The following PYGB variants were observed in gnomAD, a reference collection of about 807,000 sequenced individuals.
PYGB encodes the protein glycogen phosphorylase B, also known as glycogen phosphorylase, brain form.
A neutral mutation model predicts 94.3 loss-of-function variants in PYGB; 82 were observed. The observed-to-expected ratio is 0.87, with a 90% CI of 0.73 to 1.04. The LOEUF is 1.04. Ranked by LOEUF, PYGB falls within the 50% of genes least tolerant of loss-of-function variation. The pLI is 0.00. For synonymous variants in PYGB, 488 were observed against 479.1 expected (o/e 1.02, Z -0.24); for missense variants, 1,132 against 1,158.2 (o/e 0.98, Z 0.33).
intron 11 of PYGB, among the ~76,000 whole-genome samples, chr20:25,281,690 G>C (rs76654275): frequency 6.6e-6 from 1 of 152,210 alleles, no homozygotes; most frequent in Non-Finnish European, 1.5e-5. Context: ...TGAGGAAACC[G>C]AGCGCAGCTT....
In PYGB at chr20:25,282,852, G is replaced by A. The variant is rs146674424; in HGVS notation, c.1519-324G>A. 1.2e-3 allele frequency among the ~76,000 whole-genome samples: 183 copies of A among 152,316 alleles called. 2 individuals carry two copies. The highest frequency in any genetic ancestry group is 0.01 in the Middle Eastern group (3 of 294). ...AGGGAAGGTGCTGGTGGAGGGCAGCGGGAGGATGGCTTTGGGTTTTGGGTG... is the reference window on the plus strand; with the variant it reads ...AGGGAAGGTGCTGGTGGAGGGCAGCAGGAGGATGGCTTTGGGTTTTGGGTG... On this transcript the variant is annotated intron_variant, in intron 12 of 19. Transcript: ENST00000216962.
chr20:25,257,180 A>T (rs2092904355), intron 1 of PYGB, among the ~76,000 whole-genome samples: 1 of 152,248 alleles, frequency 6.6e-6, no homozygotes, highest in Non-Finnish European at 1.5e-5. Flanking sequence ...AAATAGACAC[A>T]TCTCAGCAAA....
intron 13 of PYGB, among the ~76,000 whole-genome samples, chr20:25,283,734 C>G (rs1291705552): frequency 6.6e-6 from 1 of 152,232 alleles, no homozygotes; most frequent in Admixed American, 6.5e-5. Flanking sequence ...TCTACACAGC[C>G]TGTCGAGCTT....
chr20:25,264,766 G>A (rs1479176021), intron 2 of PYGB, among the ~76,000 whole-genome samples: 3 of 152,186 alleles, frequency 2.0e-5, no homozygotes, highest in African/African-American at 7.2e-5. Context: ...ACTGTTCAGG[G>A]AAATAAAGGA....
intron 16 of PYGB, among the ~76,000 whole-genome samples, chr20:25,290,913 G>C (rs2088461322): frequency 6.6e-6 from 1 of 152,072 alleles, no homozygotes; most frequent in African/African-American, 2.4e-5. Context: ...TCCCTCCCCT[G>C]CCCTCTCCTC....
In PYGB at chr20:25,280,417, G is replaced by C; in HGVS notation, c.1239+5G>C. The C allele has an allele frequency of 6.2e-7, 1 of 1,613,942 alleles. No homozygotes were observed. Among genetic ancestry groups the C allele is most frequent in the Non-Finnish European group, 8.5e-7 (1 of 1,179,938 alleles). ...ATCAACCAGCGGCACCTGGACGTGA[G>C]TGTGGGCCCAGCTGGCCGTGTAGGG... On this transcript the variant is annotated splice_donor_5th_base_variant and intron_variant, in intron 10 of 19. Coordinates refer to ENST00000216962, the MANE Select transcript of PYGB (RefSeq NM_002862.4).
chr20:25,248,868 T>C (rs1254634314), intron 1 of PYGB, among the ~76,000 whole-genome samples: 2 of 152,248 alleles, frequency 1.3e-5, no homozygotes, highest in East Asian at 3.9e-4. Context: ...TGGGGTGAGC[T>C]CGGTAATCTG....
chr20:25,290,307 A>G (rs1285171829), intron 15 of PYGB, among the ~76,000 whole-genome samples, 174 bp from the exon 16 acceptor site: 1 of 152,244 alleles, frequency 6.6e-6, no homozygotes, highest in Non-Finnish European at 1.5e-5. Flanking sequence ...GTGAGTGCGC[A>G]GCAGAGCTGG....
chr20:25,267,286 G>A (rs914050392), intron 2 of PYGB, among the ~76,000 whole-genome samples: 1 of 152,180 alleles, frequency 6.6e-6, no homozygotes, highest in South Asian at 2.1e-4. Flanking sequence ...GATTGACAGA[G>A]GTGGGGGAAA....
chr20:25,250,777 G>GC (rs1286302351), intron 1 of PYGB, among the ~76,000 whole-genome samples: 4 of 152,048 alleles, frequency 2.6e-5, no homozygotes, highest in South Asian at 4.1e-4. Context: ...TAAATAGAAC[G>GC]CTTTTATTGT....
intron 2 of PYGB, among the ~76,000 whole-genome samples, chr20:25,262,582 T>C (rs1450262702): frequency 6.6e-6 from 1 of 152,176 alleles, no homozygotes; most frequent in East Asian, 1.9e-4. Context: ...CCGGGCAGAA[T>C]AACCAGCTAA....
intron 2 of PYGB, among the ~76,000 whole-genome samples, chr20:25,265,817 G>C (rs2088213040): frequency 6.7e-6 from 1 of 149,374 alleles, no homozygotes; most frequent in South Asian, 2.1e-4. Context: ...GGATGGTCTT[G>C]ATCTCCTGAC....
At chr20:25,270,311 C>T (rs768995075) in intron 3 of PYGB, among the ~76,000 whole-genome samples, 3 of 151,316 alleles carry the variant, frequency 2.0e-5, no homozygotes, top group Non-Finnish European at 4.4e-5. Context: ...ACGCCATTCT[C>T]CTGCCTCAGC....
intron 1 of PYGB, among the ~76,000 whole-genome samples, chr20:25,251,484 ATC>A (rs771461191): frequency 6.6e-6 from 1 of 152,222 alleles, no homozygotes; most frequent in Non-Finnish European, 1.5e-5. Flanking sequence ...TTGACATTCC[ATC>A]TCTATCCAGA....
At position 25,290,512 on chromosome 20, in the gene PYGB, T is replaced by C; in HGVS notation, c.1859T>C (p.Ile620Thr). 1.9e-6 allele frequency: 3 copies of C among 1,610,760 alleles called. No homozygotes were observed. The highest frequency in any genetic ancestry group is 2.7e-5 in the African/African-American group (2 of 75,026). ...AAPGYHMAKL[I>T]IKLVTSIGDV... ...CCCGGTTACCACATGGCCAAGCTGA[T>C]CATCAAGTTGGTCACCTCCATCGGC... is the stretch of plus-strand genomic sequence containing the variant. The change falls in exon 16 of 20, where the codon ATC (isoleucine) becomes ACC (threonine). Residue 620 changes from isoleucine (I) to threonine (T), a missense_variant. Coordinates refer to ENST00000216962, the MANE Select transcript of PYGB (RefSeq NM_002862.4).
chr20:25,292,783 T>C (rs1170725453), intron 17 of PYGB, among the ~76,000 whole-genome samples, 170 bp downstream of exon 17: 1 of 152,030 alleles, frequency 6.6e-6, no homozygotes, highest in Admixed American at 6.5e-5. Flanking sequence ...TCCAGGTGCA[T>C]GGAATGGACG....
chr20:25,280,187 C>G, intron 9 of PYGB, 79 bp from the exon 10 acceptor site: 1 of 1,529,536 alleles, frequency 6.5e-7, no homozygotes. Flanking sequence ...GGATCCTGGA[C>G]GCTCACCCTG....
chr20:25,281,258 C>T, intron 11 of PYGB, 146 bp downstream of exon 11: 1 of 1,129,748 alleles, frequency 8.9e-7, no homozygotes. Flanking sequence ...GACAGAGCTG[C>T]CCAGAACACC....
At chr20:25,282,637 A>T (rs567457147) in intron 12 of PYGB, among the ~76,000 whole-genome samples, 2 of 152,302 alleles carry the variant, frequency 1.3e-5, no homozygotes, top group African/African-American at 2.4e-5. Context: ...GAATGAAGAG[A>T]GAGTGAGCAG....
Sources: allele counts gnomAD v4.1 joint callset (sites outside exome capture counted in the v4.1 genomes callset), GRCh38; gene constraint gnomAD v4.1.1; transcripts MANE v1.5; gene names NCBI Gene and HGNC (gene_info 2026-07-23, HGNC 2026-07-21).